KCND2: variants seen among roughly 807,000 people sequenced by gnomAD.
KCND2 encodes potassium voltage-gated channel subfamily D member 2.
KCND2 carries 16 observed loss-of-function variants against 54.4 expected under a neutral mutation model. That is an observed-to-expected ratio of 0.29 (90% CI 0.20 to 0.45). The LOEUF (loss-of-function observed/expected upper bound fraction) is 0.45, where lower values mean the gene tolerates loss of function less well. Among genes scored for constraint, KCND2 ranks in the 20% least tolerant of loss-of-function variants. The pLI is 1.00. For missense variants in KCND2, 486 were observed against 824.2 expected (o/e 0.59, Z 5.02); for synonymous variants, 317 against 310.7 (o/e 1.02, Z -0.21).
intron 1 of KCND2, among the ~76,000 whole-genome samples, chr7:120,288,635 G>T (rs1212461206): frequency 6.6e-6 from 1 of 152,056 alleles, no homozygotes; most frequent in Non-Finnish European, 1.5e-5. Context: ...TGAGGTCCAG[G>T]TGTAATGAGA....
chr7:120,606,011 G>T (rs762139365), intron 1 of KCND2, among the ~76,000 whole-genome samples: 1 of 152,094 alleles, frequency 6.6e-6, no homozygotes, highest in Non-Finnish European at 1.5e-5. Context: ...TAAGTCTCAT[G>T]AAATCTGATG....
chr7:120,667,633 C>G (rs960928333), intron 1 of KCND2, among the ~76,000 whole-genome samples: 2 of 151,938 alleles, frequency 1.3e-5, no homozygotes, highest in Non-Finnish European at 2.9e-5. Flanking sequence ...GAAATACTGT[C>G]AAGCAAGAGA....
chr7:120,468,297 G>T (rs1237723635), intron 1 of KCND2, among the ~76,000 whole-genome samples: 1 of 152,014 alleles, frequency 6.6e-6, no homozygotes, highest in East Asian at 1.9e-4. Context: ...ATAAGAAAAA[G>T]AATTAGTAAT....
intron 1 of KCND2, among the ~76,000 whole-genome samples, chr7:120,504,760 A>G (rs1262123202): frequency 6.6e-6 from 1 of 151,886 alleles, no homozygotes; most frequent in Admixed American, 6.6e-5. Flanking sequence ...GAGTTCAGCC[A>G]AAGCCTAATT....
At chr7:120,724,302 A>G (rs1344434412) in intron 1 of KCND2, among the ~76,000 whole-genome samples, 1 of 152,142 alleles carries the variant, frequency 6.6e-6, no homozygotes, top group Non-Finnish European at 1.5e-5. Flanking sequence ...TAGCAAAGGG[A>G]GAGTGGATAC....
intron 1 of KCND2, among the ~76,000 whole-genome samples, chr7:120,428,127 T>C (rs1210741264): frequency 6.6e-6 from 1 of 152,220 alleles, no homozygotes; most frequent in Admixed American, 6.5e-5. Flanking sequence ...CCATATTCCA[T>C]TTGATGGAAT....
At chr7:120,427,401 G>T (rs1280591956) in intron 1 of KCND2, among the ~76,000 whole-genome samples, 4 of 152,136 alleles carry the variant, frequency 2.6e-5, no homozygotes, top group Admixed American at 2.6e-4. Flanking sequence ...CAGTCAACTT[G>T]ATGAATTTTA....
intron 1 of KCND2, among the ~76,000 whole-genome samples, chr7:120,563,705 C>G (rs1792263550): frequency 6.6e-6 from 1 of 152,164 alleles, no homozygotes; most frequent in African/African-American, 2.4e-5. Context: ...TTCAAATACT[C>G]CAGGCAGAAT....
At chr7:120,713,571 C>A (rs917310450) in intron 1 of KCND2, among the ~76,000 whole-genome samples, 1 of 152,118 alleles carries the variant, frequency 6.6e-6, no homozygotes, top group African/African-American at 2.4e-5. Flanking sequence ...CAGTAGGCTA[C>A]TTTTCTTAGC....
chr7:120,565,593 A>G (rs1304246576), intron 1 of KCND2, among the ~76,000 whole-genome samples: 2 of 152,222 alleles, frequency 1.3e-5, no homozygotes, highest in African/African-American at 4.8e-5. Flanking sequence ...TTCTGGATGT[A>G]AGAGTAATTC....
At chr7:120,289,071 CACACACAGAGAG>C (rs749523933) in intron 1 of KCND2, among the ~76,000 whole-genome samples, 8,875 of 39,038 alleles carry the variant, frequency 0.23, 323 homozygotes, top group Non-Finnish European at 0.34. Flanking sequence ...CACACACACA[CACACACAGAGAG>C]AGAGAGAGAG....
Position 120,476,905 on chromosome 7 carries a change from T to G in KCND2, c.1115+201158T>G, listed in dbSNP as rs538552481. Among the ~76,000 whole-genome samples the G allele has an allele frequency of 2.0e-5, 3 of 152,326 alleles. No individual in the cohort carries two copies. In the South Asian group the frequency reaches 6.2e-4, roughly 32 times the overall value. ...TTGACTCTAAGCTTTTGCACCACCC[T>G]TAACTTTTCCAAATGCCAGCAAGAA... is the stretch of plus-strand genomic sequence containing the variant. On this transcript the variant is annotated intron_variant, in intron 1 of 5. Transcript: ENST00000331113.
intron 1 of KCND2, among the ~76,000 whole-genome samples, chr7:120,397,103 T>C (rs545286680): frequency 6.6e-6 from 1 of 152,138 alleles, no homozygotes; most frequent in Non-Finnish European, 1.5e-5. Context: ...ACCTGCACTG[T>C]AGAATAAATA....
At chr7:120,568,286 A>G (rs1208790626) in intron 1 of KCND2, among the ~76,000 whole-genome samples, 1 of 152,122 alleles carries the variant, frequency 6.6e-6, no homozygotes, top group Non-Finnish European at 1.5e-5. Flanking sequence ...TGATTAGTTA[A>G]AAATTATTGG....
chr7:120,690,889 G>A (rs1381700804), intron 1 of KCND2, among the ~76,000 whole-genome samples: 1 of 152,162 alleles, frequency 6.6e-6, no homozygotes, highest in Non-Finnish European at 1.5e-5. Context: ...GGTAATGCAT[G>A]CTATAAAGAA....
intron 1 of KCND2, among the ~76,000 whole-genome samples, chr7:120,635,235 T>C (rs541014969): frequency 6.6e-6 from 1 of 152,310 alleles, no homozygotes; most frequent in East Asian, 1.9e-4. Flanking sequence ...CATAAATATA[T>C]TGATATTTCA....
intron 1 of KCND2, among the ~76,000 whole-genome samples, chr7:120,420,748 ATTAATTCAAACTTTT>A (rs1801599549): frequency 6.6e-6 from 1 of 152,156 alleles, no homozygotes; most frequent in Non-Finnish European, 1.5e-5. Flanking sequence ...AGGGAAAAAA[ATTAATTCAAACTTTT>A]TAAGAAATTA....
At position 120,478,018 on chromosome 7, in the gene KCND2, A is replaced by G. The variant is rs1802554483; in HGVS notation, c.1115+202271A>G. 2.0e-5 allele frequency among the ~76,000 whole-genome samples: 3 copies of G among 152,172 alleles called. No individual in the cohort carries two copies. The East Asian group carries it at 5.8e-4, about 29-fold the overall frequency. On this transcript the variant is annotated intron_variant, in intron 1 of 5. Transcript: ENST00000331113. ...TTCTATCCATTATATTTGAATGCTA[A>G]CAATGTAATAAAGATAATAATAATA...
chr7:120,732,235 G>GA (rs1489575768), intron 1 of KCND2, among the ~76,000 whole-genome samples: 1 of 151,920 alleles, frequency 6.6e-6, no homozygotes, highest in Non-Finnish European at 1.5e-5. Context: ...AAAGGAGGCA[G>GA]AAAAAAAGAT....
Sources: allele counts gnomAD v4.1 joint callset (sites outside exome capture counted in the v4.1 genomes callset), GRCh38; gene constraint gnomAD v4.1.1; transcripts MANE v1.5; gene names NCBI Gene and HGNC (gene_info 2026-07-23, HGNC 2026-07-21).